CCDC141: variants seen among roughly 807,000 people sequenced by gnomAD.
CCDC141 encodes coiled-coil domain-containing protein 141.
In CCDC141, 168 loss-of-function variants were observed where a neutral mutation model predicts 181.0. The observed-to-expected ratio is 0.93, with a 90% CI of 0.82 to 1.05. The LOEUF is 1.05. Ranked by LOEUF, CCDC141 falls within the 50% of genes least tolerant of loss-of-function variation. The pLI is 0.00. For missense variants in CCDC141, 1,902 were observed against 1,788.5 expected (o/e 1.06, Z -1.14); for synonymous variants, 666 against 642.3 (o/e 1.04, Z -0.56).
At chr2:178,984,753 CA>C (rs1434769936) in intron 2 of CCDC141, among the ~76,000 whole-genome samples, 153 of 151,646 alleles carry the variant, frequency 1.0e-3, no homozygotes, top group African/African-American at 3.6e-3. Flanking sequence ...ATCAATTCAA[CA>C]AGAAGAGCTA....
chr2:178,896,849 G>A (rs775306228), intron 8 of CCDC141, among the ~76,000 whole-genome samples: 38 of 152,220 alleles, frequency 2.5e-4, no homozygotes, highest in Non-Finnish European at 3.5e-4. Flanking sequence ...TGGTTTTGAG[G>A]ATTAAATTAA....
chr2:178,869,517 A>G (rs1291825826), intron 14 of CCDC141, among the ~76,000 whole-genome samples: 1 of 152,232 alleles, frequency 6.6e-6, no homozygotes, highest in Non-Finnish European at 1.5e-5. Context: ...AAAAAAAAAT[A>G]GCATGAGCAA....
At chr2:179,026,934 T>A (rs1345864033) in intron 2 of CCDC141, among the ~76,000 whole-genome samples, 1 of 152,234 alleles carries the variant, frequency 6.6e-6, no homozygotes, top group African/African-American at 2.4e-5. Context: ...TTTTGGCCAA[T>A]TTCTCCCATT....
At position 178,833,554 on chromosome 2, in the gene CCDC141, T is replaced by C. The variant is rs1342859786; in HGVS notation, c.*619A>G. ...GAGCTGACAAAAGATGGAAACTCTA[T>C]TTAAAGTTGATGGCACATCTATCCT... On this transcript the variant is annotated 3_prime_UTR_variant, in exon 24 of 24. Transcript: ENST00000443758. 6.6e-6 allele frequency: 1 copy of C among 152,598 alleles called. No homozygotes were observed. The highest frequency in any genetic ancestry group is 1.5e-5 in the Non-Finnish European group (1 of 68,306). The allele number at this position is 152,598 out of a possible 1,614,324, so 9.5% of individuals were successfully genotyped here.
intron 4 of CCDC141, among the ~76,000 whole-genome samples, chr2:178,965,778 C>T (rs1380418328): frequency 3.3e-5 from 5 of 152,166 alleles, no homozygotes; most frequent in Non-Finnish European, 5.9e-5. Context: ...ACTCTTCACT[C>T]CCCTGGAAAG....
intron 2 of CCDC141, among the ~76,000 whole-genome samples, chr2:179,015,744 TTA>T (rs1326832752): frequency 3.8e-5 from 2 of 52,394 alleles, no homozygotes; most frequent in Non-Finnish European, 1.4e-4. Context: ...TATATATATC[TTA>T]TATATATCTC....
intron 6 of CCDC141, among the ~76,000 whole-genome samples, chr2:178,939,995 C>T (rs1689443406): frequency 6.6e-6 from 1 of 152,152 alleles, no homozygotes; most frequent in Admixed American, 6.5e-5. Flanking sequence ...AGAATTAATG[C>T]ACTGGACAGA....
intron 4 of CCDC141, among the ~76,000 whole-genome samples, chr2:178,974,383 C>T (rs1691031772): frequency 6.6e-6 from 1 of 152,184 alleles, no homozygotes; most frequent in Non-Finnish European, 1.5e-5. Flanking sequence ...TATCTAACCT[C>T]CTTCCATTGC....
rs1559004786 is a variant in CCDC141, at chr2:178,954,824, C to CAAA, written c.780+6403_780+6405dup. ...AAGACAGAACTGACAAAAAAAAAACCAAAAAACTTTGCCCTTCAATGAAAT... is the reference window on the plus strand; with the variant it reads ...AAGACAGAACTGACAAAAAAAAAACCAAAAAAAAACTTTGCCCTTCAATGAAAT... On this transcript the variant is annotated intron_variant, in intron 5 of 23. Transcript: ENST00000443758. Among the ~76,000 whole-genome samples the CAAA allele has an allele frequency of 6.9e-4, 104 of 150,722 alleles. 1 individual carries two copies. Among genetic ancestry groups the CAAA allele is most frequent in the Middle Eastern group, 3.4e-3 (1 of 292 alleles).
chr2:178,974,187 C>T (rs997345463), intron 4 of CCDC141, among the ~76,000 whole-genome samples: 1 of 152,124 alleles, frequency 6.6e-6, no homozygotes, highest in Non-Finnish European at 1.5e-5. Context: ...AATATAAACA[C>T]TAAATCTATT....
chr2:178,867,331 AAT>A (rs1463163394), intron 16 of CCDC141, among the ~76,000 whole-genome samples: 20 of 152,220 alleles, frequency 1.3e-4, no homozygotes, highest in Admixed American at 1.1e-3. Context: ...AACAATTTAA[AAT>A]TGTCTAGTAG....
At chr2:178,986,365 G>A (rs1283882005) in intron 2 of CCDC141, among the ~76,000 whole-genome samples, 1 of 152,156 alleles carries the variant, frequency 6.6e-6, no homozygotes, top group Non-Finnish European at 1.5e-5. Context: ...ATATCATACT[G>A]AATGGGCAAA....
rs966723952 is a variant in CCDC141 at position 178,831,958 on chromosome 2, G to A, written c.*2215C>T. 2.6e-5 allele frequency: 4 copies of A among 151,646 alleles called. No individual in the cohort carries two copies. Among genetic ancestry groups the A allele is most frequent in the Non-Finnish European group, 5.9e-5 (4 of 67,998 alleles). 9.4% of individuals were successfully genotyped at this position (151,646 alleles called of 1,614,324 possible). A position where few individuals can be genotyped will look rare whatever the true frequency, so the allele number is the denominator to read the frequency against. ...TATGTATCTCATTCTGCTCCCCAAA[G>A]AGTTAACATGAACAAGCATGCAATA... On this transcript the variant is annotated 3_prime_UTR_variant, in exon 24 of 24. Coordinates refer to ENST00000443758, the MANE Select transcript of CCDC141 (RefSeq NM_173648.4).
intron 12 of CCDC141, chr2:178,874,816 G>A (rs957116297): frequency 6.6e-6 from 1 of 152,264 alleles, no homozygotes; most frequent in African/African-American, 2.4e-5. Flanking sequence ...GATTTTGGCA[G>A]ACACTTGGAG....
intron 2 of CCDC141, among the ~76,000 whole-genome samples, chr2:179,022,411 G>A (rs940693772): frequency 1.3e-5 from 2 of 152,068 alleles, no homozygotes; most frequent in African/African-American, 2.4e-5. Context: ...CGAGCACTAA[G>A]CTAACGTCTG....
rs13031147 is a variant in CCDC141, at chr2:178,837,112, G to A, written c.4107C>T (p.Phe1369=). 2.5e-6 allele frequency: 4 copies of A among 1,613,944 alleles called. No homozygotes were observed. Among genetic ancestry groups the A allele is most frequent in the Non-Finnish European group, 3.4e-6 (4 of 1,179,952 alleles). The change falls in exon 23 of 24, where the codon TTC becomes TTT. Residue 1369 remains phenylalanine (F), a synonymous_variant. Coordinates refer to ENST00000443758, the MANE Select transcript of CCDC141 (RefSeq NM_173648.4). ...QDRLHASSDA[F]SGLRFQSGTS... The stretch of plus-strand genomic sequence containing the variant: ...TGCCTGATTGAAACCTGAGGCCCGA[G>A]AATGCATCAGAGGAAGCATGCAGCC...
intron 7 of CCDC141, among the ~76,000 whole-genome samples, chr2:178,908,255 C>T (rs904058589): frequency 2.0e-5 from 3 of 152,098 alleles, no homozygotes; most frequent in Admixed American, 6.5e-5. Context: ...ACTGCAGTGG[C>T]GCCATCTCAG....
At chr2:179,015,197 A>AATATAT (rs1553502824) in intron 2 of CCDC141, among the ~76,000 whole-genome samples, 3 of 21,368 alleles carry the variant, frequency 1.4e-4, no homozygotes, top group Admixed American at 6.8e-4. Flanking sequence ...TCATCTCATA[A>AATATAT]ATATCATATA....
At chr2:178,939,950 G>T (rs898119444) in intron 6 of CCDC141, among the ~76,000 whole-genome samples, 3 of 152,142 alleles carry the variant, frequency 2.0e-5, no homozygotes, top group Non-Finnish European at 2.9e-5. Flanking sequence ...AACAACATCT[G>T]TTGACCACAA....
Sources: allele counts gnomAD v4.1 joint callset (sites outside exome capture counted in the v4.1 genomes callset), GRCh38; gene constraint gnomAD v4.1.1; transcripts MANE v1.5; gene names NCBI Gene and HGNC (gene_info 2026-07-23, HGNC 2026-07-21).